Variants in NINL observed in about 807,000 individuals in gnomAD.
The protein encoded by NINL is ninein-like protein.
NINL carries 153 observed loss-of-function variants against 160.3 expected under a neutral mutation model. The observed-to-expected ratio is 0.95, with a 90% CI of 0.84 to 1.09. The LOEUF (loss-of-function observed/expected upper bound fraction) is 1.09, where lower values mean the gene tolerates loss of function less well. Among genes scored for constraint, NINL ranks in the 50% least tolerant of loss-of-function variants. NINL has a pLI of 0.00. For missense variants in NINL, 1,829 were observed against 1,764.0 expected (o/e 1.04, Z -0.66); for synonymous variants, 800 against 734.8 (o/e 1.09, Z -1.43).
At chr20:25,537,573 C>T (rs1421561922) in intron 1 of NINL, among the ~76,000 whole-genome samples, 1 of 152,188 alleles carries the variant, frequency 6.6e-6, no homozygotes, top group African/African-American at 2.4e-5. Context: ...GTACAGAATA[C>T]CATAGTAAAC....
intron 7 of NINL, 126 bp from the exon 8 acceptor site, chr20:25,501,136 TC>T: frequency 1.6e-6 from 2 of 1,244,838 alleles, no homozygotes; most frequent in Non-Finnish European, 2.2e-6. Context: ...CATGAGACCA[TC>T]CTCAGCTCTC....
chr20:25,513,888 T>C (rs182565171), intron 3 of NINL, among the ~76,000 whole-genome samples: 1 of 152,206 alleles, frequency 6.6e-6, no homozygotes, highest in Non-Finnish European at 1.5e-5. Context: ...TGTGAGTCAA[T>C]TAAAACTCTT....
intron 13 of NINL, among the ~76,000 whole-genome samples, chr20:25,487,058 C>T (rs189228977): frequency 1.9e-4 from 29 of 152,256 alleles, no homozygotes; most frequent in East Asian, 3.9e-4. Context: ...GATTCACACA[C>T]GGAAAGAATG....
chr20:25,555,984 T>A (rs892162514), intron 1 of NINL, among the ~76,000 whole-genome samples: 29 of 144,456 alleles, frequency 2.0e-4, no homozygotes, highest in South Asian at 2.2e-4. Flanking sequence ...TTATTTTCAA[T>A]AAAAAAAAAA....
intron 6 of NINL, 137 bp downstream of exon 6, chr20:25,504,751 A>G (rs1215015528): frequency 1.1e-6 from 1 of 922,394 alleles, no homozygotes; most frequent in Non-Finnish European, 1.6e-6. Flanking sequence ...AGAAATGCCA[A>G]GAGCCACCAA....
At chr20:25,579,191 A>G (rs186164224) in intron 1 of NINL, among the ~76,000 whole-genome samples, 1 of 152,238 alleles carries the variant, frequency 6.6e-6, no homozygotes, top group Admixed American at 6.5e-5. Flanking sequence ...AGCAGGGGAC[A>G]TGGAATTTGC....
At chr20:25,496,927 C>T (rs2063767769) in intron 9 of NINL, 124 bp from the exon 10 acceptor site, 1 of 1,251,230 alleles carries the variant, frequency 8.0e-7, no homozygotes, top group Non-Finnish European at 1.1e-6. Flanking sequence ...ATACAGCGGG[C>T]ACTGCTCCAC....
intron 1 of NINL, among the ~76,000 whole-genome samples, chr20:25,533,963 A>G (rs1465674344): frequency 6.6e-6 from 1 of 152,238 alleles, no homozygotes; most frequent in African/African-American, 2.4e-5. Context: ...AAAAGCAAAG[A>G]TACACAAAGG....
chr20:25,469,572 C>T (rs977022720), intron 18 of NINL, among the ~76,000 whole-genome samples: 7 of 151,900 alleles, frequency 4.6e-5, no homozygotes, highest in South Asian at 4.2e-4. Flanking sequence ...AGCAATGACC[C>T]TCTGAGGAAG....
At position 25,470,100 on chromosome 20, in the gene NINL, G is replaced by A. The variant is rs769001420; in HGVS notation, c.3249-5C>T. On this transcript the variant is annotated splice_region_variant and splice_polypyrimidine_tract_variant and intron_variant, in intron 17 of 23. Coordinates refer to ENST00000278886, the MANE Select transcript of NINL (RefSeq NM_025176.6). The stretch of plus-strand genomic sequence containing the variant: ...GAAAGTCTATGGAACTCCAGTCTGC[G>A]TAAAAATTGAGAAAAGACCGGTGAG... 7.4e-6 allele frequency: 12 copies of A among 1,612,162 alleles called. No homozygotes were observed. Among genetic ancestry groups the A allele is most frequent in the African/African-American group, 4.0e-5 (3 of 74,904 alleles).
intron 6 of NINL, among the ~76,000 whole-genome samples, 169 bp downstream of exon 6, chr20:25,504,719 T>C (rs1193413496): frequency 6.6e-6 from 1 of 152,184 alleles, no homozygotes; most frequent in Non-Finnish European, 1.5e-5. Context: ...TTCAAAGGTG[T>C]CTGGAGATTT....
At position 25,479,124 on chromosome 20, in the gene NINL, C is replaced by T. The variant is rs370541015; in HGVS notation, c.2000G>A (p.Arg667His). The T allele has an allele frequency of 3.7e-5, 59 of 1,613,780 alleles. No individual in the cohort carries two copies. Among genetic ancestry groups the T allele is most frequent in the Admixed American group, 5.0e-5 (3 of 60,010 alleles). Reference sequence around the variant, plus strand: ...CTGACCCTCCAGCACGCTGACCTCGCGCCTGCGAGCCTGCTCCATGTCCTT... The same window carrying T: ...CTGACCCTCCAGCACGCTGACCTCGTGCCTGCGAGCCTGCTCCATGTCCTT... ...ERKDMEQARR[R>H]EVSVLEGQKA... Residue 667 changes from arginine (R) to histidine (H), a missense_variant, in exon 16 of 24, where the codon CGC (arginine) becomes CAC (histidine). Arg to His is a conservative substitution (Grantham distance 29). Coordinates refer to ENST00000278886, the MANE Select transcript of NINL (RefSeq NM_025176.6).
intron 1 of NINL, among the ~76,000 whole-genome samples, chr20:25,579,813 G>A (rs1213830666): frequency 6.6e-6 from 1 of 152,198 alleles, no homozygotes; most frequent in Non-Finnish European, 1.5e-5. Context: ...GAGGTCTTCG[G>A]TGAACTCCCT....
At chr20:25,559,628 T>A (rs776557243) in intron 1 of NINL, among the ~76,000 whole-genome samples, 9 of 151,714 alleles carry the variant, frequency 5.9e-5, no homozygotes, top group Non-Finnish European at 1.2e-4. Context: ...TGAGACAGAA[T>A]CTTAGTCTGT....
At chr20:25,561,981 A>G (rs1417576783) in intron 1 of NINL, among the ~76,000 whole-genome samples, 16 of 110,110 alleles carry the variant, frequency 1.5e-4, no homozygotes, top group Middle Eastern at 7.6e-3. Flanking sequence ...CAGCCACCCC[A>G]TCCGGGAGGT....
At chr20:25,537,124 G>T (rs2064571019) in intron 1 of NINL, among the ~76,000 whole-genome samples, 1 of 152,102 alleles carries the variant, frequency 6.6e-6, no homozygotes, top group Non-Finnish European at 1.5e-5. Flanking sequence ...TCTCCCTCTT[G>T]TTGGCTGGGG....
Position 25,469,979 on chromosome 20 carries a change from C to G in NINL, c.3353+12G>C. The G allele has an allele frequency of 6.2e-7, 1 of 1,604,472 alleles. No individual in the cohort carries two copies. Among genetic ancestry groups the G allele is most frequent in the East Asian group, 2.2e-5 (1 of 44,832 alleles). On this transcript the variant is annotated intron_variant, in intron 18 of 23. Transcript: ENST00000278886. ...CACCCCCAGAAGGTCTGGGTAGGGGCGTGGCCCTTACCTCTGTGCATCGTG... is the reference window on the plus strand; with the variant it reads ...CACCCCCAGAAGGTCTGGGTAGGGGGGTGGCCCTTACCTCTGTGCATCGTG...
intron 1 of NINL, among the ~76,000 whole-genome samples, chr20:25,557,136 T>C: frequency 6.6e-6 from 1 of 152,222 alleles, no homozygotes; most frequent in East Asian, 1.9e-4. Flanking sequence ...TTGAATTATA[T>C]CTCACTTAAA....
intron 17 of NINL, among the ~76,000 whole-genome samples, chr20:25,470,653 G>T (rs1239667313): frequency 6.6e-6 from 1 of 152,116 alleles, no homozygotes; most frequent in Non-Finnish European, 1.5e-5. Context: ...TCCCTGCTTG[G>T]GTAATGCCAT....
Sources: gnomAD v4.1 joint callset for allele counts (sites outside exome capture counted in the v4.1 genomes callset) on GRCh38, gnomAD v4.1.1 for gene constraint, MANE v1.5 for transcripts, NCBI Gene and HGNC (gene_info 2026-07-23, HGNC 2026-07-21) for gene names.